Variants in ALG8 observed in about 807,000 individuals in gnomAD.
ALG8 encodes ALG8 alpha-1,3-glucosyltransferase.
ALG8 carries 48 observed loss-of-function variants against 70.2 expected under a neutral mutation model. That is an observed-to-expected ratio of 0.68 (90% confidence interval 0.54 to 0.87). ALG8 has a LOEUF of 0.87. ALG8 is among the 40% of genes least tolerant of loss of function. ALG8 has a pLI of 0.00. For missense variants in ALG8, 572 were observed against 608.7 expected, an observed-to-expected ratio of 0.94 and a Z score of 0.64; for synonymous variants, 234 against 229.0, an observed-to-expected ratio of 1.02 and a Z score of -0.20.
At chr11:78,111,778 C>T (rs546242896) in intron 8 of ALG8, among the ~76,000 whole-genome samples, 5 of 151,786 alleles carry the variant, frequency 3.3e-5, no homozygotes, top group Non-Finnish European at 5.9e-5. Flanking sequence ...AAATGAGAGA[C>T]TGTGTTATCC....
chr11:78,125,549 T>G (rs1270597647), intron 2 of ALG8, among the ~76,000 whole-genome samples: 5 of 141,508 alleles, frequency 3.5e-5, no homozygotes, highest in Non-Finnish European at 7.7e-5. Flanking sequence ...GTGGATCACC[T>G]GAGGTCAGGA....
chr11:78,120,677 T>C (rs577676695), intron 4 of ALG8, among the ~76,000 whole-genome samples: 2 of 152,326 alleles, frequency 1.3e-5, no homozygotes, highest in Admixed American at 6.5e-5. Context: ...TAAGCCAAGA[T>C]GGTAGAAAAG....
chr11:78,135,857 T>C (rs1289187721), intron 1 of ALG8, among the ~76,000 whole-genome samples: 2 of 95,098 alleles, frequency 2.1e-5, no homozygotes, highest in Admixed American at 9.8e-5. Flanking sequence ...CAAACATAAA[T>C]AAATAAGAAA....
chr11:78,127,308 C>A, intron 2 of ALG8, 50 bp downstream of exon 2: 1 of 1,467,410 alleles, frequency 6.8e-7, no homozygotes, highest in Non-Finnish European at 9.4e-7. Flanking sequence ...TAATATTTAC[C>A]TAGTTTATAG....
At chr11:78,107,198 A>AATATATATATATATAT (rs57228944) in intron 9 of ALG8, among the ~76,000 whole-genome samples, 3 of 143,872 alleles carry the variant, frequency 2.1e-5, no homozygotes, top group African/African-American at 5.0e-5. Flanking sequence ...TTTATATGTA[A>AATATATATATATATAT]ATATATATAT....
At chr11:78,119,895 C>T (rs377469273) in intron 4 of ALG8, among the ~76,000 whole-genome samples, 7 of 152,036 alleles carry the variant, frequency 4.6e-5, no homozygotes, top group South Asian at 2.1e-4. Context: ...TGGGACCAGG[C>T]GTTCAAGATC....
rs1268213481 is a variant in ALG8 at position 78,108,040 on chromosome 11, G to A, written c.1039-1094C>T. ...CAGGCCTATAATCCCAGCACTTTGGGAGGCCGAGGTGGGCGGATCACGAGG... is the reference window on the plus strand; with the variant it reads ...CAGGCCTATAATCCCAGCACTTTGGAAGGCCGAGGTGGGCGGATCACGAGG... On this transcript the variant is annotated intron_variant, in intron 9 of 12. Coordinates refer to ENST00000299626, the MANE Select transcript of ALG8 (RefSeq NM_024079.5). 4.6e-5 allele frequency among the ~76,000 whole-genome samples: 7 copies of A among 151,968 alleles called. No individual in the cohort carries two copies. In the East Asian group the frequency reaches 1.4e-3, roughly 30 times the overall value.
chr11:78,135,536 C>T (rs559128779), intron 1 of ALG8, among the ~76,000 whole-genome samples: 1 of 151,426 alleles, frequency 6.6e-6, no homozygotes, highest in South Asian at 2.1e-4. Flanking sequence ...ACACAGTGAC[C>T]CCATCTCTCC....
At chr11:78,101,308 C>T (rs1859786480) in intron 12 of ALG8, 113 bp from the exon 13 acceptor site, 2 of 881,272 alleles carry the variant, frequency 2.3e-6, no homozygotes, top group Admixed American at 4.2e-5. Flanking sequence ...TTATTATAGC[C>T]AAGGCCAGAG....
At chr11:78,123,701 G>A (rs1860933754) in intron 3 of ALG8, among the ~76,000 whole-genome samples, 1 of 152,106 alleles carries the variant, frequency 6.6e-6, no homozygotes, top group African/African-American at 2.4e-5. Flanking sequence ...CCTGCTGCAA[G>A]GAAGCAAAGA....
rs1370369376 is a variant in ALG8, at chr11:78,106,064, T to A, written c.1178+743A>T. On this transcript the variant is annotated intron_variant, in intron 10 of 12. Transcript: ENST00000299626. ...AGAAAGAATGCAAAACAAAAACAGTTCTGGAAAATCTGAAATGTAGTACAG... is the reference window on the plus strand; with the variant it reads ...AGAAAGAATGCAAAACAAAAACAGTACTGGAAAATCTGAAATGTAGTACAG... Among the ~76,000 whole-genome samples the A allele has an allele frequency of 2.0e-5, 3 of 152,288 alleles. No individual in the cohort carries two copies. In the East Asian group the frequency reaches 5.8e-4, roughly 29 times the overall value.
chr11:78,115,654 G>A (rs1860529372), intron 5 of ALG8, among the ~76,000 whole-genome samples: 1 of 152,134 alleles, frequency 6.6e-6, no homozygotes, highest in South Asian at 2.1e-4. Flanking sequence ...CAAAGTGCTG[G>A]GATTACAGGC....
At chr11:78,119,872 T>G (rs572167689) in intron 4 of ALG8, among the ~76,000 whole-genome samples, 1 of 152,074 alleles carries the variant, frequency 6.6e-6, no homozygotes, top group Non-Finnish European at 1.5e-5. Context: ...GAGGCTGACA[T>G]GGGCAGATCA....
chr11:78,104,951 G>A lies in ALG8; in HGVS notation c.1179-498C>T, dbSNP rs150438148. ...TGCACTCCAGCCTGGGCAACAGAGC[G>A]AGACTCTGTCTCAAAAAAAAAAAAA... On this transcript the variant is annotated intron_variant, in intron 10 of 12. Transcript: ENST00000299626. 9.5e-3 allele frequency among the ~76,000 whole-genome samples: 1,421 copies of A among 150,004 alleles called. 20 individuals are homozygous for A. Among genetic ancestry groups the A allele is most frequent in the African/African-American group, 0.033 (1,329 of 40,736 alleles).
chr11:78,124,917 G>A (rs1193962909), intron 2 of ALG8, among the ~76,000 whole-genome samples: 1 of 151,996 alleles, frequency 6.6e-6, no homozygotes, highest in Non-Finnish European at 1.5e-5. Context: ...TATTGCTTGG[G>A]ATAAAATAAC....
intron 3 of ALG8, among the ~76,000 whole-genome samples, chr11:78,122,965 T>G (rs1028965366): frequency 2.6e-5 from 4 of 152,130 alleles, no homozygotes; most frequent in Admixed American, 6.6e-5. Flanking sequence ...GGTCACTGAA[T>G]GAACACCAGT....
At chr11:78,107,005 A>G (rs990114515) in intron 9 of ALG8, 59 bp from the exon 10 acceptor site, 2 of 1,595,920 alleles carry the variant, frequency 1.3e-6, no homozygotes, top group Non-Finnish European at 1.7e-6. Context: ...TTACAGAAAC[A>G]GAGTTCAGGT....
intron 1 of ALG8, chr11:78,135,165 G>C (rs552367037): frequency 1.3e-5 from 2 of 152,030 alleles, no homozygotes; most frequent in South Asian, 4.2e-4. Flanking sequence ...AACAGCCTGG[G>C]CAACACAGCA....
chr11:78,127,130 C>G (rs1455954272), intron 2 of ALG8, among the ~76,000 whole-genome samples: 3 of 152,100 alleles, frequency 2.0e-5, no homozygotes, highest in South Asian at 2.1e-4. Flanking sequence ...AGGTGCCCAC[C>G]ACCACACCCA....
Sources: gnomAD v4.1 joint callset for allele counts (sites outside exome capture counted in the v4.1 genomes callset) on GRCh38, gnomAD v4.1.1 for gene constraint, MANE v1.5 for transcripts, NCBI Gene and HGNC (gene_info 2026-07-23, HGNC 2026-07-21) for gene names.